Variants in TTLL7 observed in about 807,000 individuals in gnomAD.
TTLL7 encodes the protein tubulin tyrosine ligase like 7.
Under a neutral mutation model 120.2 loss-of-function variants are expected in TTLL7, and 53 were observed. The observed-to-expected ratio is 0.44, with a 90% confidence interval of 0.35 to 0.55. The LOEUF (loss-of-function observed/expected upper bound fraction) is 0.55, where lower values mean the gene tolerates loss of function less well. Ranked by LOEUF, TTLL7 falls within the 20% of genes least tolerant of loss-of-function variation. TTLL7 has a pLI of 0.00. For synonymous variants in TTLL7, 353 were observed against 351.7 expected, an observed-to-expected ratio of 1.00 and a Z score of -0.04; for missense variants, 803 against 1,054.7, an observed-to-expected ratio of 0.76 and a Z score of 3.31.
At chr1:83,874,679 G>A (rs916709501) in intron 20 of TTLL7, among the ~76,000 whole-genome samples, 4 of 151,934 alleles carry the variant, frequency 2.6e-5, no homozygotes, top group African/African-American at 9.7e-5. Context: ...AATTCTAGTG[G>A]ATGTGCACTA....
At position 83,933,756 on chromosome 1, in the gene TTLL7, A is replaced by G; in HGVS notation, c.899T>C (p.Val300Ala). Residue 300 changes from valine to alanine, a missense_variant, in exon 9 of 21, where the codon GTA (valine) becomes GCA (alanine). Transcript: ENST00000260505. ...KFWSDISELV[V>A]KTLIVAEPHV... ...AGGTTCTGCTACAATCAGGGTCTTT[A>G]CCACCAATTCCTATAAGATTGTGAT... is the stretch of plus-strand genomic sequence containing the variant. The G allele has an allele frequency of 6.2e-7, 1 of 1,609,346 alleles. No homozygotes were observed. The highest frequency in any genetic ancestry group is 8.5e-7 in the Non-Finnish European group (1 of 1,178,382).
intron 8 of TTLL7, 21 bp downstream of exon 8, chr1:83,937,831 T>C (rs2100832539): frequency 6.2e-7 from 1 of 1,612,704 alleles, no homozygotes; most frequent in East Asian, 2.2e-5. Flanking sequence ...CTGTTATAAT[T>C]GTGGAATGGC....
intron 19 of TTLL7, among the ~76,000 whole-genome samples, chr1:83,883,377 G>A (rs768064104): frequency 5.3e-5 from 8 of 152,000 alleles, no homozygotes; most frequent in Non-Finnish European, 8.8e-5. Context: ...GCATGTGGGT[G>A]TGTGTTTGTA....
rs1211130196 is a variant in TTLL7 at position 83,892,479 on chromosome 1, TGA to T, written c.2209-2000_2209-1999del. On this transcript the variant is annotated intron_variant, in intron 18 of 20. Coordinates refer to ENST00000260505, the MANE Select transcript of TTLL7 (RefSeq NM_024686.6). The stretch of plus-strand genomic sequence containing the variant: ...ATATATGAACATATATATGAACATA[TGA>T]ATGAACATATATATGAACATATGAA... 9.7e-5 allele frequency among the ~76,000 whole-genome samples: 12 copies of T among 123,958 alleles called. No homozygotes were observed. The South Asian group carries it at 2.0e-3, about 21-fold the overall frequency. 81.3% of individuals were successfully genotyped at this position (123,958 alleles called of 152,430 possible). A position where few individuals can be genotyped will look rare whatever the true frequency, so the allele number is the denominator to read the frequency against.
At chr1:83,926,844 G>C (rs1213008874) in intron 10 of TTLL7, among the ~76,000 whole-genome samples, 1 of 152,102 alleles carries the variant, frequency 6.6e-6, no homozygotes, top group Non-Finnish European at 1.5e-5. Flanking sequence ...GATTGTAATA[G>C]AATACTTATG....
At chr1:83,982,842 C>T (rs1035216434) in intron 1 of TTLL7, among the ~76,000 whole-genome samples, 4 of 151,992 alleles carry the variant, frequency 2.6e-5, no homozygotes, top group Non-Finnish European at 4.4e-5. Flanking sequence ...CCCTGATAGC[C>T]CAAACAATCC....
At chr1:83,960,140 A>G (rs1307320118) in intron 1 of TTLL7, among the ~76,000 whole-genome samples, 1 of 152,168 alleles carries the variant, frequency 6.6e-6, no homozygotes, top group Non-Finnish European at 1.5e-5. Flanking sequence ...AATAACCACA[A>G]TACTTTTGCT....
chr1:83,920,261 T>C (rs541372106), intron 12 of TTLL7, among the ~76,000 whole-genome samples: 2 of 152,114 alleles, frequency 1.3e-5, no homozygotes, highest in South Asian at 2.1e-4. Flanking sequence ...GGGGAAATGG[T>C]TGGGGAAGAA....
chr1:83,929,951 T>C (rs1187822681), intron 9 of TTLL7, among the ~76,000 whole-genome samples: 1 of 152,130 alleles, frequency 6.6e-6, no homozygotes, highest in African/African-American at 2.4e-5. Flanking sequence ...GTCACAGTTA[T>C]ACACATCTGT....
chr1:83,968,687 T>TCCTA (rs1650704421), intron 1 of TTLL7, among the ~76,000 whole-genome samples: 1 of 152,048 alleles, frequency 6.6e-6, no homozygotes, highest in Non-Finnish European at 1.5e-5. Flanking sequence ...TTGTTATTAT[T>TCCTA]CCTACATGGA....
chr1:83,879,388 G>A (rs1654244048), intron 20 of TTLL7, among the ~76,000 whole-genome samples: 1 of 151,970 alleles, frequency 6.6e-6, no homozygotes, highest in South Asian at 2.1e-4. Flanking sequence ...CTGATTTGAG[G>A]ATTTAAAAGA....
intron 1 of TTLL7, among the ~76,000 whole-genome samples, chr1:83,983,257 G>C (rs1571385654): frequency 1.3e-5 from 2 of 152,140 alleles, no homozygotes; most frequent in African/African-American, 4.8e-5. Flanking sequence ...CTTGAACCCA[G>C]GAGGCGGAGG....
At chr1:83,950,932 A>T (rs1016832412) in intron 3 of TTLL7, among the ~76,000 whole-genome samples, 1 of 152,178 alleles carries the variant, frequency 6.6e-6, no homozygotes, top group Non-Finnish European at 1.5e-5. Context: ...AAACAATAAC[A>T]AATTCAGAAG....
intron 7 of TTLL7, among the ~76,000 whole-genome samples, chr1:83,940,442 A>G (rs1426198935): frequency 1.3e-5 from 2 of 152,196 alleles, no homozygotes; most frequent in African/African-American, 4.8e-5. Flanking sequence ...TACAGAACAG[A>G]TACATTTGGA....
chr1:83,883,061 T>G lies in TTLL7; in HGVS notation c.2445A>C (p.Leu815=). 1 of 1,612,696 alleles carries G rather than the reference T, an allele frequency of 6.2e-7. No homozygotes were observed. The highest frequency in any genetic ancestry group is 8.5e-7 in the Non-Finnish European group (1 of 1,179,190). Residue 815 remains leucine, a synonymous_variant, in exon 20 of 21, where the codon CTA becomes CTC. Transcript: ENST00000260505. ...GCAGGCACTGTTTACAAAGCTCCAC[T>G]AGGCGCTGGCAACACTGGAGCTGCA... ...TPLQLQCCQR[L]VELCKQCLLV... is the part of the protein sequence containing the mutation.
At chr1:83,892,457 T>TATGAACATATGAATGAACATATGA (rs1553129013) in intron 18 of TTLL7, among the ~76,000 whole-genome samples, 2 of 55,020 alleles carry the variant, frequency 3.6e-5, no homozygotes, top group African/African-American at 5.8e-5. Flanking sequence ...AATGAACATA[T>TATGAACATATGAATGAACATATGA]ATGAACATAT....
chr1:83,871,753 C>T (rs1348920079), intron 20 of TTLL7, among the ~76,000 whole-genome samples: 1 of 151,714 alleles, frequency 6.6e-6, no homozygotes, highest in Non-Finnish European at 1.5e-5. Flanking sequence ...AAAAATTAGC[C>T]GGTTGTGGTG....
chr1:83,875,875 T>A (rs930251814), intron 20 of TTLL7, among the ~76,000 whole-genome samples: 13 of 151,976 alleles, frequency 8.6e-5, no homozygotes, highest in African/African-American at 3.1e-4. Context: ...CTTCCTTCCA[T>A]CCTGTGGCTT....
chr1:83,898,717 G>C (rs1463394714), intron 18 of TTLL7, among the ~76,000 whole-genome samples: 1 of 151,570 alleles, frequency 6.6e-6, no homozygotes, highest in Non-Finnish European at 1.5e-5. Context: ...GGAAGAGGTG[G>C]AGAAAAAAAT....
Sources: allele counts gnomAD v4.1 joint callset (sites outside exome capture counted in the v4.1 genomes callset), GRCh38; gene constraint gnomAD v4.1.1; transcripts MANE v1.5; gene names NCBI Gene and HGNC (gene_info 2026-07-23, HGNC 2026-07-21).